The following LHFPL1 variants were observed in gnomAD, a reference collection of about 807,000 sequenced individuals.
The protein encoded by LHFPL1 is LHFPL tetraspan subfamily member 1.
LHFPL1 carries 4 observed loss-of-function variants against 12.1 expected under a neutral mutation model. That is an observed-to-expected ratio of 0.33 (90% confidence interval 0.16 to 0.76). The LOEUF (loss-of-function observed/expected upper bound fraction) is 0.76. Ranked by LOEUF, LHFPL1 falls within the 30% of genes least tolerant of loss-of-function variation. LHFPL1 has a pLI of 0.61. For missense variants in LHFPL1, 141 were observed against 174.1 expected, an observed-to-expected ratio of 0.81 and a Z score of 1.07; for synonymous variants, 52 against 61.9, an observed-to-expected ratio of 0.84 and a Z score of 0.75.
chrX:112,645,015 T>A (rs1021015930), intron 3 of LHFPL1, among the ~76,000 whole-genome samples: 2 of 112,196 alleles, frequency 1.8e-5, no homozygotes, highest in Non-Finnish European at 3.8e-5. Flanking sequence ...AGCACACACA[T>A]GGCTTTTGGG....
chrX:112,635,976 T>C (rs1291536127), intron 3 of LHFPL1, among the ~76,000 whole-genome samples: 1 of 111,586 alleles, frequency 9.0e-6, no homozygotes, highest in African/African-American at 3.3e-5. Context: ...CAGGGAACGA[T>C]ACGCTAGAGC....
chrX:112,647,372 A>G (rs1930721942), intron 3 of LHFPL1, among the ~76,000 whole-genome samples: 1 of 112,125 alleles, frequency 8.9e-6, no homozygotes, highest in Admixed American at 9.5e-5. Flanking sequence ...AGAAACTATC[A>G]TCAGAGTGAA....
intron 3 of LHFPL1, among the ~76,000 whole-genome samples, chrX:112,655,513 G>C (rs1279126807): frequency 8.9e-6 from 1 of 112,046 alleles, no homozygotes; most frequent in Non-Finnish European, 1.9e-5. Context: ...GGAGGCTGCA[G>C]AAAGCCTATC....
At chrX:112,654,135 C>T (rs2147713259) in intron 3 of LHFPL1, among the ~76,000 whole-genome samples, 1 of 111,952 alleles carries the variant, frequency 8.9e-6, no homozygotes, top group Admixed American at 9.5e-5. Flanking sequence ...AGGAATTTGT[C>T]CTACAGATAA....
At chrX:112,643,080 T>TAA (rs774495839) in intron 3 of LHFPL1, among the ~76,000 whole-genome samples, 5 of 82,780 alleles carry the variant, frequency 6.0e-5, no homozygotes, top group African/African-American at 1.3e-4. Flanking sequence ...CTGGGTAATT[T>TAA]AAAAAAAAAA....
intron 3 of LHFPL1, among the ~76,000 whole-genome samples, chrX:112,652,497 T>C (rs1206057066): frequency 8.9e-6 from 1 of 111,788 alleles, no homozygotes; most frequent in Non-Finnish European, 1.9e-5. Flanking sequence ...GGTAATCAAA[T>C]AAGCAAATCT....
rs768148739 is a variant in LHFPL1 at position 112,646,851 on chromosome X, A to C, written c.481+13776T>G. Among the ~76,000 whole-genome samples the C allele has an allele frequency of 5.4e-5, 6 of 111,494 alleles. No individual in the cohort carries two copies. In the East Asian group the frequency reaches 1.7e-3, roughly 32 times the overall value. On this transcript the variant is annotated intron_variant, in intron 3 of 3. Transcript: ENST00000371968. Reference sequence around the variant, plus strand: ...AGCTGAAGTGTATCCTAAAGAAAAAAAATTCTCAAATGACTCAAGACATAC... The same window carrying C: ...AGCTGAAGTGTATCCTAAAGAAAAACAATTCTCAAATGACTCAAGACATAC...
At chrX:112,673,237 C>T (rs967612473) in intron 1 of LHFPL1, among the ~76,000 whole-genome samples, 2 of 111,514 alleles carry the variant, frequency 1.8e-5, no homozygotes, top group Non-Finnish European at 3.8e-5. Context: ...GAGCAGAGAT[C>T]GTAAATTGCA....
chrX:112,668,284 G>T (rs1389356395), intron 2 of LHFPL1, among the ~76,000 whole-genome samples: 1 of 112,272 alleles, frequency 8.9e-6, no homozygotes, highest in Non-Finnish European at 1.9e-5. Context: ...ACAGTCATAT[G>T]TCAAGGGGCT....
chrX:112,664,774 T>C (rs1440645277), intron 2 of LHFPL1, among the ~76,000 whole-genome samples: 1 of 112,061 alleles, frequency 8.9e-6, no homozygotes, highest in East Asian at 2.8e-4. Flanking sequence ...ATTATATTTG[T>C]CTCCAGCAGT....
intron 2 of LHFPL1, among the ~76,000 whole-genome samples, chrX:112,664,342 C>G (rs999994044): frequency 4.5e-5 from 5 of 111,769 alleles, no homozygotes; most frequent in African/African-American, 1.6e-4. Context: ...CCCTGTGGCT[C>G]CTCTCCCAGT....
At chrX:112,671,463 G>C (rs771184340) in intron 1 of LHFPL1, 59 bp from the exon 2 acceptor site, 1 of 1,202,916 alleles carries the variant, frequency 8.3e-7, no homozygotes, top group Admixed American at 2.2e-5. Flanking sequence ...TTACCATGTA[G>C]GCTCCACTGG....
rs779634680 is a variant in LHFPL1 at position 112,670,207 on chromosome X, T to C, written c.382+802A>G. Among the ~76,000 whole-genome samples the C allele has an allele frequency of 4.4e-5, 5 of 112,806 alleles. No homozygotes were observed. The South Asian group carries it at 1.8e-3, about 41-fold the overall frequency. On this transcript the variant is annotated intron_variant, in intron 2 of 3. Transcript: ENST00000371968. ...ACTTTTTCCCAGTGCCCAATCTAGG[T>C]TTTGCAAAATACTCAAATATTCACA...
chrX:112,670,915 G>A lies in LHFPL1; in HGVS notation c.382+94C>T, dbSNP rs750134604. 6.3e-6 allele frequency: 6 copies of A among 946,108 alleles called. No homozygotes were observed. The East Asian group carries it at 1.6e-4, about 24-fold the overall frequency. The allele number at this position is 946,108 out of a possible 1,213,427, so 78.0% of individuals were successfully genotyped here. On this transcript the variant is annotated intron_variant, in intron 2 of 3. Coordinates refer to ENST00000371968, the MANE Select transcript of LHFPL1 (RefSeq NM_178175.4). Reference sequence around the variant, plus strand: ...AGCCTTAGAGTTGGACAAAGTGAAGGGGGTGAGAATGGGTTTCCCCATAAG... The same window carrying A: ...AGCCTTAGAGTTGGACAAAGTGAAGAGGGTGAGAATGGGTTTCCCCATAAG...
chrX:112,655,835 C>T (rs1930983489), intron 3 of LHFPL1, among the ~76,000 whole-genome samples: 1 of 111,714 alleles, frequency 9.0e-6, no homozygotes, highest in South Asian at 3.8e-4. Context: ...TCCAAAAGTG[C>T]TGGGATTACA....
chrX:112,644,385 T>G lies in LHFPL1; in HGVS notation c.482-12784A>C, dbSNP rs576085406. On this transcript the variant is annotated intron_variant, in intron 3 of 3. Coordinates refer to ENST00000371968, the MANE Select transcript of LHFPL1 (RefSeq NM_178175.4). ...TTGTACATTTTTAACATATACAATA[T>G]GATGTTTTTATATACCTATAGTGAA... 3.6e-5 allele frequency among the ~76,000 whole-genome samples: 4 copies of G among 111,866 alleles called. No homozygotes were observed. In the South Asian group the frequency reaches 1.5e-3, roughly 42 times the overall value.
chrX:112,662,787 T>A, intron 2 of LHFPL1, among the ~76,000 whole-genome samples: 1 of 111,621 alleles, frequency 9.0e-6, no homozygotes, highest in Non-Finnish European at 1.9e-5. Context: ...TAAACTGAAA[T>A]CCTAGGATAT....
At chrX:112,641,355 G>A (rs1047378191) in intron 3 of LHFPL1, among the ~76,000 whole-genome samples, 4 of 111,915 alleles carry the variant, frequency 3.6e-5, no homozygotes, top group Admixed American at 9.5e-5. Flanking sequence ...GGAAAGAATC[G>A]AACAGCCAGA....
chrX:112,654,317 T>C (rs1002129122), intron 3 of LHFPL1, among the ~76,000 whole-genome samples: 6 of 111,471 alleles, frequency 5.4e-5, no homozygotes, highest in Admixed American at 4.8e-4. Flanking sequence ...ACTGGGGAGA[T>C]AGCAATAAAC....
Sources: allele counts gnomAD v4.1 joint callset (sites outside exome capture counted in the v4.1 genomes callset), GRCh38; gene constraint gnomAD v4.1.1; transcripts MANE v1.5; gene names NCBI Gene and HGNC (gene_info 2026-07-23, HGNC 2026-07-21).